Variants in LRRC20 observed in about 807,000 individuals in gnomAD.
LRRC20 encodes the protein leucine rich repeat containing 20.
A neutral mutation model predicts 14.4 loss-of-function variants in LRRC20; 11 were observed. The observed-to-expected ratio is 0.77, with a 90% CI of 0.48 to 1.27. The LOEUF (loss-of-function observed/expected upper bound fraction) is 1.27, where lower values mean the gene tolerates loss of function less well. Among genes scored for constraint, LRRC20 ranks in the 50% most tolerant of loss-of-function variants. LRRC20 has a pLI of 0.00. For missense variants in LRRC20, 219 were observed against 251.2 expected (o/e 0.87, Z 0.87); for synonymous variants, 121 against 107.3 (o/e 1.13, Z -0.79).
Position 70,333,922 on chromosome 10 carries a change from G to GGT in LRRC20, c.232+6629_232+6630dup, listed in dbSNP as rs1184186006. On this transcript the variant is annotated intron_variant, in intron 3 of 4. Transcript: ENST00000446961. ...CCCAACACTTTGGGAGGACATGATG[G>GGT]GTGGATCATCTGAGGCCAGGAGTTT... Among the ~76,000 whole-genome samples the GGT allele has an allele frequency of 5.9e-5, 9 of 152,284 alleles. No homozygotes were observed. In the East Asian group the frequency reaches 1.7e-3, roughly 29 times the overall value.
At chr10:70,361,719 C>T (rs1441150498) in intron 2 of LRRC20, among the ~76,000 whole-genome samples, 1 of 152,068 alleles carries the variant, frequency 6.6e-6, no homozygotes, top group South Asian at 2.1e-4. Context: ...CCACCCTCAC[C>T]CTCCCATCCC....
At chr10:70,380,158 G>A (rs1242146448) in intron 1 of LRRC20, among the ~76,000 whole-genome samples, 3 of 152,186 alleles carry the variant, frequency 2.0e-5, no homozygotes, top group Admixed American at 1.3e-4. Context: ...CTGGTGGCAA[G>A]TTCAGACGTC....
intron 2 of LRRC20, among the ~76,000 whole-genome samples, chr10:70,341,367 A>G (rs1842906497): frequency 6.6e-6 from 1 of 152,252 alleles, no homozygotes; most frequent in African/African-American, 2.4e-5. Flanking sequence ...CGTTATTCAC[A>G]ATGGCCCGAA....
At chr10:70,359,264 T>A (rs942934599) in intron 2 of LRRC20, among the ~76,000 whole-genome samples, 2 of 151,958 alleles carry the variant, frequency 1.3e-5, no homozygotes, top group Non-Finnish European at 2.9e-5. Flanking sequence ...CATTCAAGAA[T>A]CTCCATGCCA....
chr10:70,338,244 G>C (rs1564627681), intron 3 of LRRC20, among the ~76,000 whole-genome samples: 1 of 152,136 alleles, frequency 6.6e-6, no homozygotes, highest in South Asian at 2.1e-4. Flanking sequence ...AGTCCTGCCT[G>C]TAGCTCCCTC....
At chr10:70,361,059 A>AAAG (rs1554843122) in intron 2 of LRRC20, among the ~76,000 whole-genome samples, 3 of 151,534 alleles carry the variant, frequency 2.0e-5, no homozygotes, top group Non-Finnish European at 4.4e-5. Context: ...AAAAAAAAAA[A>AAAG]AAAAAGAGAG....
intron 4 of LRRC20, among the ~76,000 whole-genome samples, chr10:70,320,621 G>A (rs375687396): frequency 6.6e-5 from 10 of 152,174 alleles, no homozygotes; most frequent in African/African-American, 1.9e-4. Context: ...CCTGCTGTAT[G>A]CCACACACCA....
rs371977676 is a variant in LRRC20 at position 70,323,820 on chromosome 10, C to T, written c.400+43G>A. The T allele has an allele frequency of 1.6e-4, 253 of 1,609,344 alleles. 1 individual carries two copies. In the African/African-American group the frequency reaches 3.1e-3, roughly 19 times the overall value. ...TCCAGAGTCCTGTGGCCCATGAGCG[C>T]CTCGTGCAGCAGCCCAGGGCCAGGT... On this transcript the variant is annotated intron_variant, in intron 4 of 4. Transcript: ENST00000446961.
At chr10:70,334,515 G>A (rs1021223235) in intron 3 of LRRC20, among the ~76,000 whole-genome samples, 1 of 152,036 alleles carries the variant, frequency 6.6e-6, no homozygotes, top group Admixed American at 6.6e-5. Flanking sequence ...AACTCCTGTG[G>A]GGCACTGACA....
intron 2 of LRRC20, among the ~76,000 whole-genome samples, chr10:70,358,046 C>A (rs566336924): frequency 6.6e-6 from 1 of 152,360 alleles, no homozygotes; most frequent in East Asian, 1.9e-4. Flanking sequence ...CTCAAAGCCA[C>A]ACACTAAGTA....
At chr10:70,306,441 G>A (rs777897439) in intron 4 of LRRC20, among the ~76,000 whole-genome samples, 2 of 152,064 alleles carry the variant, frequency 1.3e-5, no homozygotes, top group African/African-American at 2.4e-5. Context: ...TATTGGAGGA[G>A]TAGTGCACTG....
chr10:70,307,508 C>A (rs999433115), intron 4 of LRRC20, among the ~76,000 whole-genome samples: 1 of 152,256 alleles, frequency 6.6e-6, no homozygotes, highest in East Asian at 1.9e-4. Context: ...GAAAGAGCTT[C>A]CTGGAGATGT....
At chr10:70,340,447 G>C in intron 3 of LRRC20, 106 bp downstream of exon 3, 1 of 1,323,864 alleles carries the variant, frequency 7.6e-7, no homozygotes, top group Non-Finnish European at 1.1e-6. Flanking sequence ...GATTTCATGG[G>C]TGTCGCTGAC....
At chr10:70,332,740 T>A (rs4747002) in intron 3 of LRRC20, among the ~76,000 whole-genome samples, 83,141 of 152,094 alleles carry the variant, frequency 0.55, 22,865 homozygotes, top group African/African-American at 0.59. Flanking sequence ...GTACCTACCC[T>A]TGGTGGCATA....
intron 4 of LRRC20, among the ~76,000 whole-genome samples, chr10:70,305,266 AC>A (rs1841377852): frequency 6.6e-6 from 1 of 152,240 alleles, no homozygotes. Context: ...GTCCATGGTC[AC>A]TTGGGTTGTT....
intron 2 of LRRC20, among the ~76,000 whole-genome samples, chr10:70,346,013 C>G (rs1019613375): frequency 6.6e-6 from 1 of 152,064 alleles, no homozygotes. Context: ...GTAATCCCAT[C>G]ATTTTGAGGG....
intron 2 of LRRC20, among the ~76,000 whole-genome samples, chr10:70,354,783 CAG>C (rs1257604253): frequency 3.9e-5 from 6 of 152,174 alleles, no homozygotes; most frequent in Non-Finnish European, 7.3e-5. Context: ...GCAGCAGAGA[CAG>C]AGTCTCTTCA....
At chr10:70,321,214 A>G (rs1842064600) in intron 4 of LRRC20, among the ~76,000 whole-genome samples, 1 of 152,216 alleles carries the variant, frequency 6.6e-6, no homozygotes, top group African/African-American at 2.4e-5. Flanking sequence ...AAGGCATCCT[A>G]AGTTTCTACA....
In LRRC20 at chr10:70,361,625, G is replaced by A. The variant is rs114166044; in HGVS notation, c.82+14827C>T. 7.4e-3 allele frequency among the ~76,000 whole-genome samples: 1,129 copies of A among 152,298 alleles called. 13 individuals are homozygous for A. Among genetic ancestry groups the A allele is most frequent in the South Asian group, 0.056 (269 of 4,824 alleles). On this transcript the variant is annotated intron_variant, in intron 2 of 4. Transcript: ENST00000446961. The stretch of plus-strand genomic sequence containing the variant: ...AAAGAGCAGGGCATACAAAGATTTG[G>A]GGAAAGGACGATCAAGGTGGAAATC...
Sources: allele counts gnomAD v4.1 joint callset (sites outside exome capture counted in the v4.1 genomes callset), GRCh38; gene constraint gnomAD v4.1.1; transcripts MANE v1.5; gene names NCBI Gene and HGNC (gene_info 2026-07-23, HGNC 2026-07-21).